The following C17orf107 variants were observed in gnomAD, a reference collection of about 807,000 sequenced individuals.
C17orf107 encodes uncharacterized protein C17orf107.
Under a neutral mutation model 8.9 loss-of-function variants are expected in C17orf107, and 9 were observed. That is an observed-to-expected ratio of 1.02 (90% CI 0.61 to 1.77). The LOEUF (loss-of-function observed/expected upper bound fraction) is 1.77. Among genes scored for constraint, C17orf107 ranks in the 40% most tolerant of loss-of-function variants. The probability of loss-of-function intolerance (pLI) is 0.00; values close to 1 mark genes in which losing one functional copy is unlikely to be tolerated. For synonymous variants in C17orf107, 139 were observed against 120.3 expected (o/e 1.16, Z -1.02); for missense variants, 281 against 249.0 (o/e 1.13, Z -0.86).
At position 4,901,719 on chromosome 17, in the gene C17orf107, G is replaced by T. The variant is rs1222875138; in HGVS notation, c.*1186G>T. On this transcript the variant is annotated 3_prime_UTR_variant, in exon 3 of 3. Coordinates refer to ENST00000381365, the MANE Select transcript of C17orf107 (RefSeq NM_001145536.2). The stretch of plus-strand genomic sequence containing the variant: ...GGAAGCTGGGATCTAGCGGGGCCGC[G>T]ATCCCAAGCCCACCCCTTCACCCAA... 3 of 1,351,286 alleles carry T rather than the reference G, an allele frequency of 2.2e-6. No individual in the cohort carries two copies. The highest frequency in any genetic ancestry group is 3.1e-6 in the Non-Finnish European group (3 of 956,794). The allele number at this position is 1,351,286 out of a possible 1,614,324, so 83.7% of individuals were successfully genotyped here.
At position 4,900,389 on chromosome 17, in the gene C17orf107, C is replaced by T. The variant is rs1249588813; in HGVS notation, c.429C>T (p.Ser143=). 8.4e-6 allele frequency: 13 copies of T among 1,549,934 alleles called. No homozygotes were observed. The East Asian group carries it at 1.2e-4, about 15-fold the overall frequency. ...VRQAGAAVGA[S]ARLLVQGAWL... is the part of the protein sequence containing the mutation. ...AAGCTGGGGCTGCGGTGGGCGCCAG[C>T]GCCCGGCTCCTAGTCCAGGGAGCAT... The change falls in exon 3 of 3, where the codon AGC becomes AGT. Residue 143 remains serine (S), a synonymous_variant. Coordinates refer to ENST00000381365, the MANE Select transcript of C17orf107 (RefSeq NM_001145536.2).
downstream of C17orf107, among the ~76,000 whole-genome samples, chr17:4,906,405 A>C (rs1970092979): frequency 6.6e-6 from 1 of 152,236 alleles, no homozygotes; most frequent in Non-Finnish European, 1.5e-5. Flanking sequence ...AAATATACAT[A>C]AATTAATACA....
chr17:4,900,000 TG>T lies in C17orf107; in HGVS notation c.133del (p.Glu45SerfsTer7), dbSNP rs1185779939. On this transcript the variant is annotated frameshift_variant, in exon 2 of 3. Transcript: ENST00000381365. LOFTEE classifies it high-confidence loss of function. ...TCCGTGGCCGCAGCCCATGAATATC[TG>T]GAGCAGAGGTTCAGAGAGCTGAAGT... Reference protein sequence around the residue: ...ELSVAAAHEYLEQRFRELKSL... With the variant: ...ELSVAAAHEYXEQRFRELKSL... 6.4e-7 allele frequency: 1 copy of T among 1,551,392 alleles called. No homozygotes were observed. The highest frequency in any genetic ancestry group is 1.2e-5 in the South Asian group (1 of 84,068).
downstream of C17orf107, among the ~76,000 whole-genome samples, chr17:4,904,686 C>T (rs1398364579): frequency 1.3e-5 from 2 of 152,206 alleles, no homozygotes; most frequent in African/African-American, 4.8e-5. Context: ...TATCAATCAA[C>T]TCTATTGATC....
downstream of C17orf107, among the ~76,000 whole-genome samples, chr17:4,905,848 G>A (rs980427582): frequency 2.0e-4 from 30 of 152,288 alleles, 1 homozygote; most frequent in Non-Finnish European, 3.8e-4. Context: ...GTGACAGAGT[G>A]AGACTCCATC....
rs766195083 is a variant in C17orf107 at position 4,901,583 on chromosome 17, G to T, written c.*1050G>T. ...TGATGGTCTTGCCGTCGTTGTCTAC[G>T]GCAAAAGTGAACTCCACCTCTTCGG... On this transcript the variant is annotated 3_prime_UTR_variant, in exon 3 of 3. Transcript: ENST00000381365. 1.2e-6 allele frequency: 2 copies of T among 1,614,134 alleles called. No homozygotes were observed.
In C17orf107 at chr17:4,901,838, G is replaced by A; in HGVS notation, c.*1305G>A. 1 of 1,563,172 alleles carries A rather than the reference G, an allele frequency of 6.4e-7. No homozygotes were observed. ...CGCCTGGCTCCGCCTCCAGCGCGAA[G>A]CCCCGCCCCGAGGGCGGTGCTTCCC... On this transcript the variant is annotated 3_prime_UTR_variant, in exon 3 of 3. Transcript: ENST00000381365.
chr17:4,899,736 TCTC>T lies in C17orf107; in HGVS notation c.-24_-22del. On this transcript the variant is annotated 5_prime_UTR_variant, in exon 1 of 3. Coordinates refer to ENST00000381365, the MANE Select transcript of C17orf107 (RefSeq NM_001145536.2). ...GACGACAGACGCGTCCCCCAGCCCT[TCTC>T]CTGTCCTACCACTTGTGGCGGCCAT... 2 of 1,547,878 alleles carry T rather than the reference TCTC, an allele frequency of 1.3e-6. No homozygotes were observed.
Position 4,900,959 on chromosome 17 carries a change from G to C in C17orf107, c.*426G>C. 6.2e-7 allele frequency: 1 copy of C among 1,614,018 alleles called. No individual in the cohort carries two copies. The highest frequency in any genetic ancestry group is 8.5e-7 in the Non-Finnish European group (1 of 1,179,880). On this transcript the variant is annotated 3_prime_UTR_variant, in exon 3 of 3. Transcript: ENST00000381365. ...CCCCGCCTCCCGGGAGCGAGCCCGG[G>C]TTTGGGGGTAGGTTCGGGGCCACTG...
chr17:4,903,108 G>C, downstream of C17orf107: 2 of 1,608,452 alleles, frequency 1.2e-6, no homozygotes, highest in African/African-American at 1.3e-5. Context: ...TGGCAGGCTT[G>C]GAGGGGGCAT....
downstream of C17orf107, among the ~76,000 whole-genome samples, chr17:4,905,835 C>T (rs1381379673): frequency 6.6e-6 from 1 of 151,780 alleles, no homozygotes; most frequent in African/African-American, 2.4e-5. Flanking sequence ...CACTCCAGCC[C>T]GGGTGACAGA....
downstream of C17orf107, among the ~76,000 whole-genome samples, chr17:4,906,707 T>A (rs535356482): frequency 3.7e-4 from 56 of 151,640 alleles, 1 homozygote; most frequent in South Asian, 0.012. Flanking sequence ...AATAAAATTT[T>A]AAAAAACAGA....
downstream of C17orf107, among the ~76,000 whole-genome samples, chr17:4,905,108 G>A (rs1044952872): frequency 1.3e-5 from 2 of 152,194 alleles, no homozygotes; most frequent in Non-Finnish European, 2.9e-5. Flanking sequence ...CGAGTGCTAC[G>A]GTTATTGAGA....
At chr17:4,903,944 G>C (rs369156272), downstream of C17orf107, among the ~76,000 whole-genome samples, 1 of 152,082 alleles carries the variant, frequency 6.6e-6, no homozygotes, top group East Asian at 1.9e-4. Context: ...TGCAACCTCC[G>C]CCTCCCGGGT....
In C17orf107 at chr17:4,902,497, G is replaced by A. The variant is rs1416635329; in HGVS notation, c.*1964G>A. 1 of 1,614,018 alleles carries A rather than the reference G, an allele frequency of 6.2e-7. No individual in the cohort carries two copies. Among genetic ancestry groups the A allele is most frequent in the African/African-American group, 1.3e-5 (1 of 74,908 alleles). ...GTGAGAGTCTCCTCTTTTTCATTCT[G>A]CAGATGGGAGATGGGGATGATTGAA... On this transcript the variant is annotated 3_prime_UTR_variant, in exon 3 of 3. Transcript: ENST00000381365. This position sits in a 1 kb window ranked among gnomAD's most constrained non-coding sequence, Gnocchi z 4.0.
rs774891621 is a variant in C17orf107, at chr17:4,902,193, C to A, written c.*1660C>A. 1.2e-6 allele frequency: 2 copies of A among 1,613,782 alleles called. No homozygotes were observed. Among genetic ancestry groups the A allele is most frequent in the Non-Finnish European group, 1.7e-6 (2 of 1,179,796 alleles). ...GCACCCCAGGCCGGCTTCCCTCCAG[C>A]CTGGCGTCTGGCCCGGTTCTCACTT... On this transcript the variant is annotated 3_prime_UTR_variant, in exon 3 of 3. Transcript: ENST00000381365. This position sits in a 1 kb window ranked among gnomAD's most constrained non-coding sequence, Gnocchi z 4.0.
downstream of C17orf107, among the ~76,000 whole-genome samples, chr17:4,906,220 T>G (rs1016115864): frequency 4.6e-5 from 7 of 152,072 alleles, no homozygotes; most frequent in Non-Finnish European, 7.4e-5. Context: ...GATCATGGGG[T>G]TGGCCTAAGA....
Position 4,899,687 on chromosome 17 carries a change from G to A in C17orf107, c.-76G>A, listed in dbSNP as rs182418908. ...GCTTCTCCTGGTACGGGCTGGTTAC[G>A]CCCTCCAGCTGCGCCCCCTACACGA... On this transcript the variant is annotated 5_prime_UTR_variant, in exon 1 of 3. Coordinates refer to ENST00000381365, the MANE Select transcript of C17orf107 (RefSeq NM_001145536.2). 7,922 of 1,454,318 alleles carry A rather than the reference G, an allele frequency of 5.4e-3. 29 individuals are homozygous for A. Among genetic ancestry groups the A allele is most frequent in the Non-Finnish European group, 6.6e-3 (6,953 of 1,059,420 alleles). The allele number at this position is 1,454,318 out of a possible 1,614,324, so 90.1% of individuals were successfully genotyped here. A position where few individuals can be genotyped will look rare whatever the true frequency, so the allele number is the denominator to read the frequency against.
At position 4,901,951 on chromosome 17, in the gene C17orf107, TC is replaced by T; in HGVS notation, c.*1419del. ...TCCCACCGGAAAATAAGCGAACAGT[TC>T]TGCCAATCGAAGGGGAAGTAGGTGA... On this transcript the variant is annotated 3_prime_UTR_variant, in exon 3 of 3. Transcript: ENST00000381365. 1 of 1,602,008 alleles carries T rather than the reference TC, an allele frequency of 6.2e-7. No homozygotes were observed. Among genetic ancestry groups the T allele is most frequent in the Non-Finnish European group, 8.5e-7 (1 of 1,172,912 alleles).
Sources: gnomAD v4.1 joint callset for allele counts (sites outside exome capture counted in the v4.1 genomes callset) on GRCh38, gnomAD v4.1.1 for gene constraint, Gnocchi (gnomAD v3.1) non-coding constraint, MANE v1.5 for transcripts, NCBI Gene and HGNC (gene_info 2026-07-23, HGNC 2026-07-21) for gene names.